Variants in ZNF160 observed in about 807,000 individuals in gnomAD.
The protein encoded by ZNF160 is zinc finger protein 160.
A neutral mutation model predicts 13.1 loss-of-function variants in ZNF160; 9 were observed. That is an observed-to-expected ratio of 0.69 (90% CI 0.41 to 1.20). ZNF160 has a LOEUF of 1.20. Among genes scored for constraint, ZNF160 ranks in the 50% most tolerant of loss-of-function variants. The pLI is 0.01. For missense variants in ZNF160, 838 were observed against 988.0 expected (o/e 0.85, Z 2.04); for synonymous variants, 293 against 333.2 (o/e 0.88, Z 1.31).
chr19:53,082,847 G>A (rs1032995164), intron 3 of ZNF160, among the ~76,000 whole-genome samples: 7 of 151,532 alleles, frequency 4.6e-5, no homozygotes, highest in Non-Finnish European at 8.8e-5. Flanking sequence ...GTCCCACTTC[G>A]GGCGCCAACA....
Position 53,069,211 on chromosome 19 carries a change from T to C in ZNF160, c.1323A>G (p.Gly441=). The C allele has an allele frequency of 6.2e-7, 1 of 1,611,424 alleles. No individual in the cohort carries two copies. The highest frequency in any genetic ancestry group is 8.5e-7 in the Non-Finnish European group (1 of 1,178,054). The change falls in exon 6 of 6, where the codon GGA becomes GGG. Residue 441 remains glycine (G), a synonymous_variant. Transcript: ENST00000683776. This position sits in a 1 kb window ranked among gnomAD's most constrained non-coding sequence, Gnocchi z 4.4. ...GKVFRYNSYL[G]RHRRVHTGEK... ...CACCAGTATGAACTCTCCGATGCCT[T>C]CCGAGGTATGAATTGTACCTAAAGA...
At chr19:53,081,285 G>A (rs955772634) in intron 3 of ZNF160, among the ~76,000 whole-genome samples, 5 of 152,134 alleles carry the variant, frequency 3.3e-5, no homozygotes, top group Non-Finnish European at 4.4e-5. Flanking sequence ...CTTAATTAAA[G>A]AGCTTGTACA....
At chr19:53,075,751 A>G (rs1376762517) in intron 3 of ZNF160, 1 of 518,886 alleles carries the variant, frequency 1.9e-6, no homozygotes, top group African/African-American at 1.9e-5. Context: ...GGTAAATATA[A>G]GTGTTTCCCT....
Position 53,098,870 on chromosome 19 carries a change from C to T in ZNF160, c.-354+4395G>A, listed in dbSNP as rs1461837592. Among the ~76,000 whole-genome samples the T allele has an allele frequency of 4.6e-5, 7 of 150,872 alleles. 1 individual carries two copies. Among genetic ancestry groups the T allele is most frequent in the African/African-American group, 9.9e-5 (4 of 40,222 alleles). ...GCACTGGCTGAGGACACAGGGTCTG[C>T]GGGGCTTTTCAGGCCTCAGTGAGGC... On this transcript the variant is annotated intron_variant, in intron 1 of 5. Coordinates refer to ENST00000683776, the MANE Select transcript of ZNF160 (RefSeq NM_001322131.2).
chr19:53,071,870 C>T (rs987918777), intron 5 of ZNF160, among the ~76,000 whole-genome samples: 4 of 151,966 alleles, frequency 2.6e-5, no homozygotes, highest in African/African-American at 9.7e-5. Flanking sequence ...TGTACAAATA[C>T]ATACTAAAGT....
Position 53,068,335 on chromosome 19 carries a change from G to T in ZNF160, c.2199C>A (p.Tyr733Ter), listed in dbSNP as rs750575916. ...HQAIHTGKKPYKCNECGKVFT... is the reference protein window; with the variant it reads ...HQAIHTGKKP ...AGACCTTGCCACATTCATTACATTT[G>T]TAAGGTTTTTTCCCAGTATGGATTG... The change falls in exon 6 of 6, where the codon TAC (tyrosine) becomes TAA (stop). Residue 733 changes from tyrosine to a stop codon, truncating the protein, a stop_gained. Transcript: ENST00000683776. LOFTEE classifies it low-confidence loss of function (END_TRUNC). 1 of 1,614,130 alleles carries T rather than the reference G, an allele frequency of 6.2e-7. No homozygotes were observed. The highest frequency in any genetic ancestry group is 8.5e-7 in the Non-Finnish European group (1 of 1,180,030).
At chr19:53,096,849 A>G (rs2146005396) in intron 1 of ZNF160, among the ~76,000 whole-genome samples, 1 of 127,838 alleles carries the variant, frequency 7.8e-6, no homozygotes, top group East Asian at 2.0e-4. Context: ...TGTGCATAGG[A>G]TGAGATGTGT....
At chr19:53,082,980 G>A (rs1440763727) in intron 3 of ZNF160, among the ~76,000 whole-genome samples, 2 of 152,122 alleles carry the variant, frequency 1.3e-5, no homozygotes, top group Non-Finnish European at 2.9e-5. Flanking sequence ...GACACTTTAT[G>A]TACATTTACC....
At chr19:53,095,730 A>G (rs1234460595) in intron 1 of ZNF160, 4 of 152,102 alleles carry the variant, frequency 2.6e-5, no homozygotes, top group Admixed American at 2.6e-4. Context: ...TTTATGCACA[A>G]TGTTCAGTCG....
intron 3 of ZNF160, among the ~76,000 whole-genome samples, chr19:53,076,289 C>T (rs2084385035): frequency 1.3e-5 from 2 of 152,334 alleles, no homozygotes; most frequent in South Asian, 4.1e-4. Context: ...TTATGTTTGA[C>T]ATACTGAGTG....
At chr19:53,074,403 C>T in intron 4 of ZNF160, 135 bp from the exon 5 acceptor site, 7 of 1,407,258 alleles carry the variant, frequency 5.0e-6, no homozygotes, top group Non-Finnish European at 5.6e-6. Context: ...CGCGGTGGCT[C>T]ATGCCTGTAA....
Position 53,076,717 on chromosome 19 carries a change from A to G in ZNF160, c.16-1534T>C, listed in dbSNP as rs187182459. On this transcript the variant is annotated intron_variant, in intron 3 of 5. Transcript: ENST00000683776. Reference sequence around the variant, plus strand: ...AGTCCCAAGCACTACCCATGGAGACACAGATTTAATAACACTACATGGACC... The same window carrying G: ...AGTCCCAAGCACTACCCATGGAGACGCAGATTTAATAACACTACATGGACC... Among the ~76,000 whole-genome samples, 416 of 152,310 alleles carry G rather than the reference A, an allele frequency of 2.7e-3. 4 individuals are homozygous for G. The highest frequency in any genetic ancestry group is 0.014 in the Middle Eastern group (4 of 294).
At chr19:53,070,385 C>T in intron 5 of ZNF160, 123 bp from the exon 6 acceptor site, 1 of 1,013,132 alleles carries the variant, frequency 9.9e-7, no homozygotes, top group Non-Finnish European at 1.3e-6. Context: ...AACTTCAGAA[C>T]TGTGAATTTC....
rs1198644445 is a variant in ZNF160 at position 53,086,325 on chromosome 19, G to C, written c.-45-4C>G. ...TCCTCTTCTTCCAGACTTCTTCCTT[G>C]GGTAACATAAAAGAGTCTTTAGAAG... On this transcript the variant is annotated splice_region_variant and splice_polypyrimidine_tract_variant and intron_variant, in intron 2 of 5. Transcript: ENST00000683776. 6.4e-7 allele frequency: 1 copy of C among 1,562,732 alleles called. No homozygotes were observed. Among genetic ancestry groups the C allele is most frequent in the Admixed American group, 2.0e-5 (1 of 49,966 alleles).
intron 1 of ZNF160, among the ~76,000 whole-genome samples, chr19:53,096,262 T>G (rs1417512316): frequency 6.6e-6 from 1 of 152,292 alleles, no homozygotes; most frequent in African/African-American, 2.4e-5. Flanking sequence ...TATTAGGCCA[T>G]TTTTATGGTC....
In ZNF160 at chr19:53,068,360, GC is replaced by G; in HGVS notation, c.2173del (p.Ala725GlnfsTer48). ...SVRSSLTTHQ[A>X]IHTGKKPYKC... ...GTAAGGTTTTTTCCCAGTATGGATT[GC>G]CTGATGGGTGGTTAGGCTTGAACGA... On this transcript the variant is annotated frameshift_variant, in exon 6 of 6. Coordinates refer to ENST00000683776, the MANE Select transcript of ZNF160 (RefSeq NM_001322131.2). LOFTEE classifies it low-confidence loss of function (END_TRUNC). 6.2e-7 allele frequency: 1 copy of G among 1,614,034 alleles called. No individual in the cohort carries two copies. Among genetic ancestry groups the G allele is most frequent in the Non-Finnish European group, 8.5e-7 (1 of 1,180,018 alleles).
rs531569707 is a variant in ZNF160, at chr19:53,082,302, T to A, written c.15+3960A>T. ...TGAATCAAATAAAAGTACGTACCAA[T>A]GTACACAAAAAAATTCAAATCCATG... On this transcript the variant is annotated intron_variant, in intron 3 of 5. Coordinates refer to ENST00000683776, the MANE Select transcript of ZNF160 (RefSeq NM_001322131.2). Among the ~76,000 whole-genome samples, 14 of 152,152 alleles carry A rather than the reference T, an allele frequency of 9.2e-5. 1 individual carries two copies. Among genetic ancestry groups the A allele is most frequent in the Non-Finnish European group, 1.6e-4 (11 of 68,016 alleles).
At chr19:53,071,348 C>T (rs1046438870) in intron 5 of ZNF160, among the ~76,000 whole-genome samples, 11 of 151,320 alleles carry the variant, frequency 7.3e-5, no homozygotes, top group South Asian at 2.1e-4. Flanking sequence ...GTCAGGAGTT[C>T]GAGACCAGCC....
chr19:53,094,614 T>TA (rs975933468), intron 1 of ZNF160, among the ~76,000 whole-genome samples: 1 of 151,970 alleles, frequency 6.6e-6, no homozygotes, highest in South Asian at 2.1e-4. Context: ...AATGTAAGAG[T>TA]AAAAAAACCT....
Sources: allele counts gnomAD v4.1 joint callset (sites outside exome capture counted in the v4.1 genomes callset), GRCh38; gene constraint gnomAD v4.1.1; non-coding constraint Gnocchi (gnomAD v3.1); transcripts MANE v1.5; gene names NCBI Gene and HGNC (gene_info 2026-07-23, HGNC 2026-07-21).